ANO6: variants seen among roughly 807,000 people sequenced by gnomAD.
The protein encoded by ANO6 is anoctamin-6.
A neutral mutation model predicts 117.5 loss-of-function variants in ANO6; 106 were observed. That is an observed-to-expected ratio of 0.90 (90% CI 0.77 to 1.06). The LOEUF (loss-of-function observed/expected upper bound fraction) is 1.06, where lower values mean the gene tolerates loss of function less well. Among genes scored for constraint, ANO6 ranks in the 50% least tolerant of loss-of-function variants. The pLI, the probability that ANO6 is intolerant of heterozygous loss-of-function variation, is 0.00. For missense variants in ANO6, 955 were observed against 1,121.1 expected (o/e 0.85, Z 2.12); for synonymous variants, 367 against 385.1 (o/e 0.95, Z 0.55).
chr12:45,294,932 A>G (rs1442008533), intron 1 of ANO6, among the ~76,000 whole-genome samples: 1 of 152,220 alleles, frequency 6.6e-6, no homozygotes, highest in Non-Finnish European at 1.5e-5. Flanking sequence ...TATGATAGCC[A>G]ATATTTATAT....
intron 17 of ANO6, among the ~76,000 whole-genome samples, chr12:45,419,953 A>G (rs566000670): frequency 1.3e-5 from 2 of 151,756 alleles, no homozygotes; most frequent in Admixed American, 1.3e-4. Context: ...AATTTTCATA[A>G]CTTCATCCAC....
chr12:45,320,199 A>G (rs1397067404), intron 2 of ANO6, among the ~76,000 whole-genome samples: 2 of 151,768 alleles, frequency 1.3e-5, no homozygotes, highest in African/African-American at 4.8e-5. Context: ...TAGTTCTTTT[A>G]ATTGTGATGT....
Position 45,302,023 on chromosome 12 carries a change from A to G in ANO6, c.80A>G (p.Asn27Ser). 1.2e-6 allele frequency: 2 copies of G among 1,613,878 alleles called. No individual in the cohort carries two copies. Among genetic ancestry groups the G allele is most frequent in the South Asian group, 1.1e-5 (1 of 91,078 alleles). ...DDDDGDIVLE[N>S]LGQTIVPDLG... is the part of the protein sequence containing the mutation. ...ATTCATTCGTTTTTAGTGTTGGAAAACCTTGGACAGACAATTGTCCCCGAT... is the reference window on the plus strand; with the variant it reads ...ATTCATTCGTTTTTAGTGTTGGAAAGCCTTGGACAGACAATTGTCCCCGAT... The change falls in exon 2 of 20, where the codon AAC (asparagine) becomes AGC (serine). Residue 27 changes from asparagine to serine, a missense_variant. Physicochemically the swap from Asn to Ser is conservative, Grantham distance 46. Coordinates refer to ENST00000320560, the MANE Select transcript of ANO6 (RefSeq NM_001025356.3).
At chr12:45,254,939 C>T (rs1016088889) in intron 1 of ANO6, among the ~76,000 whole-genome samples, 1 of 152,090 alleles carries the variant, frequency 6.6e-6, no homozygotes, top group African/African-American at 2.4e-5. Context: ...CCTCATCAAG[C>T]TTTGATTCAA....
At chr12:45,327,182 T>C (rs758487309) in intron 2 of ANO6, among the ~76,000 whole-genome samples, 3 of 151,300 alleles carry the variant, frequency 2.0e-5, no homozygotes, top group Non-Finnish European at 2.9e-5. Context: ...AAAAAAAGAG[T>C]ATTTCATTTG....
intron 19 of ANO6, 77 bp downstream of exon 19, chr12:45,423,139 A>G: frequency 9.7e-7 from 1 of 1,031,312 alleles, no homozygotes; most frequent in Non-Finnish European, 1.5e-6. Context: ...CCAACTCCAT[A>G]CTTAACATGT....
At chr12:45,332,811 G>A (rs1226414918) in intron 3 of ANO6, among the ~76,000 whole-genome samples, 1 of 152,040 alleles carries the variant, frequency 6.6e-6, no homozygotes, top group African/African-American at 2.4e-5. Context: ...TGGTAGATAA[G>A]ATGAAGAAAG....
chr12:45,274,740 A>G (rs1938495312), intron 1 of ANO6, among the ~76,000 whole-genome samples: 1 of 149,296 alleles, frequency 6.7e-6, no homozygotes, highest in Admixed American at 6.7e-5. Flanking sequence ...GTGTCTCTTA[A>G]CTGTGCTCTA....
intron 1 of ANO6, among the ~76,000 whole-genome samples, chr12:45,271,434 C>T (rs1276402127): frequency 6.6e-6 from 1 of 152,076 alleles, no homozygotes; most frequent in African/African-American, 2.4e-5. Context: ...ATTGTCATTA[C>T]TTTTAATAGC....
At chr12:45,321,051 A>G (rs969973171) in intron 2 of ANO6, among the ~76,000 whole-genome samples, 1 of 152,082 alleles carries the variant, frequency 6.6e-6, no homozygotes, top group Non-Finnish European at 1.5e-5. Context: ...CAGCACACTG[A>G]TGGGTCTTAA....
chr12:45,273,773 G>A (rs1436030557), intron 1 of ANO6, among the ~76,000 whole-genome samples: 1 of 152,128 alleles, frequency 6.6e-6, no homozygotes, highest in Non-Finnish European at 1.5e-5. Flanking sequence ...TTGCTTCCTG[G>A]GAGAATCCTG....
intron 1 of ANO6, chr12:45,292,875 A>G (rs747691786): frequency 4.3e-5 from 66 of 1,550,466 alleles, no homozygotes; most frequent in Non-Finnish European, 5.8e-5. Context: ...AGAAGCGTCA[A>G]GGACTCACCG....
chr12:45,358,579 T>C (rs1455198324), intron 8 of ANO6, among the ~76,000 whole-genome samples: 3 of 152,206 alleles, frequency 2.0e-5, no homozygotes, highest in Admixed American at 2.0e-4. Context: ...ATCACCATGA[T>C]AGTTACACCA....
chr12:45,307,169 G>T (rs1213353699), intron 2 of ANO6, among the ~76,000 whole-genome samples: 1 of 152,110 alleles, frequency 6.6e-6, no homozygotes, highest in Non-Finnish European at 1.5e-5. Flanking sequence ...GGCAGATTTT[G>T]AGCAGAGGAG....
intron 1 of ANO6, among the ~76,000 whole-genome samples, chr12:45,287,621 A>G (rs941665899): frequency 2.0e-5 from 3 of 152,178 alleles, no homozygotes; most frequent in African/African-American, 7.2e-5. Context: ...AATTGGATGT[A>G]GGAGAATAAG....
chr12:45,241,524 A>T (rs1417058193), intron 1 of ANO6, among the ~76,000 whole-genome samples: 1 of 152,132 alleles, frequency 6.6e-6, no homozygotes, highest in African/African-American at 2.4e-5. Flanking sequence ...GAAGTTTGTT[A>T]TTACCGACAT....
intron 19 of ANO6, among the ~76,000 whole-genome samples, chr12:45,426,578 G>C (rs1943508940): frequency 6.6e-6 from 1 of 151,922 alleles, no homozygotes; most frequent in Non-Finnish European, 1.5e-5. Flanking sequence ...CCCCTCACCT[G>C]ACTTAGCAAC....
intron 2 of ANO6, among the ~76,000 whole-genome samples, chr12:45,319,293 A>T (rs1482832887): frequency 6.6e-6 from 1 of 152,206 alleles, no homozygotes; most frequent in Non-Finnish European, 1.5e-5. Flanking sequence ...ACATTCCATC[A>T]ATACCTAGTT....
intron 7 of ANO6, among the ~76,000 whole-genome samples, chr12:45,351,935 A>G (rs1186677758): frequency 6.6e-6 from 1 of 152,138 alleles, no homozygotes; most frequent in African/African-American, 2.4e-5. Context: ...GGAGACCACT[A>G]GGTAGGAGGC....
Sources: gnomAD v4.1 joint callset for allele counts (sites outside exome capture counted in the v4.1 genomes callset) on GRCh38, gnomAD v4.1.1 for gene constraint, MANE v1.5 for transcripts, NCBI Gene and HGNC (gene_info 2026-07-23, HGNC 2026-07-21) for gene names.